The following MSRA variants were observed in gnomAD, a reference collection of about 807,000 sequenced individuals.
MSRA encodes methionine sulfoxide reductase A, also known as mitochondrial peptide methionine sulfoxide reductase.
In MSRA, 54 loss-of-function variants were observed where a neutral mutation model predicts 31.3. That is an observed-to-expected ratio of 1.73 (90% CI 1.39 to 2.17). The LOEUF (loss-of-function observed/expected upper bound fraction) is 2.17. Ranked by LOEUF, MSRA falls within the 30% of genes most tolerant of loss-of-function variation. The probability of loss-of-function intolerance (pLI) is 0.00; values close to 1 mark genes in which losing one functional copy is unlikely to be tolerated. For missense variants in MSRA, 507 were observed against 300.9 expected (o/e 1.69, Z -5.07); for synonymous variants, 169 against 116.5 (o/e 1.45, Z -2.90).
intron 1 of MSRA, among the ~76,000 whole-genome samples, chr8:10,199,899 T>A (rs1203161246): frequency 6.6e-6 from 1 of 152,178 alleles, no homozygotes; most frequent in Non-Finnish European, 1.5e-5. Context: ...CTTATCAATG[T>A]GGAGAACATC....
chr8:10,308,515 C>T (rs931799282), intron 4 of MSRA, among the ~76,000 whole-genome samples: 6 of 152,202 alleles, frequency 3.9e-5, no homozygotes, highest in African/African-American at 1.4e-4. Context: ...GTTAAAAACA[C>T]AAAACCAGCT....
intron 2 of MSRA, among the ~76,000 whole-genome samples, chr8:10,229,458 C>T (rs968098270): frequency 6.6e-6 from 1 of 152,090 alleles, no homozygotes; most frequent in African/African-American, 2.4e-5. Flanking sequence ...GACTGGGGGC[C>T]GGCTCTGAGG....
At chr8:10,080,934 A>C (rs906567549) in intron 1 of MSRA, among the ~76,000 whole-genome samples, 7 of 152,348 alleles carry the variant, frequency 4.6e-5, no homozygotes, top group Non-Finnish European at 1.0e-4. Context: ...TCCATACCGC[A>C]GAAGGCTGTT....
At chr8:10,398,387 T>C (rs1807235136) in intron 5 of MSRA, among the ~76,000 whole-genome samples, 1 of 152,220 alleles carries the variant, frequency 6.6e-6, no homozygotes, top group African/African-American at 2.4e-5. Flanking sequence ...TCTGGTCCCT[T>C]GCCGAGAGAG....
intron 1 of MSRA, among the ~76,000 whole-genome samples, chr8:10,139,413 A>G (rs1452226271): frequency 6.6e-6 from 1 of 152,136 alleles, no homozygotes; most frequent in African/African-American, 2.4e-5. Flanking sequence ...GGACAAGTGC[A>G]GTTTTGTTAC....
At chr8:10,211,047 A>G (rs187661435) in intron 2 of MSRA, among the ~76,000 whole-genome samples, 2 of 152,068 alleles carry the variant, frequency 1.3e-5, no homozygotes, top group Non-Finnish European at 2.9e-5. Flanking sequence ...CAATGTCGTT[A>G]TCTGTTGGTT....
At chr8:10,186,781 A>G (rs1212611737) in intron 1 of MSRA, among the ~76,000 whole-genome samples, 2 of 152,232 alleles carry the variant, frequency 1.3e-5, no homozygotes. Context: ...TGCCTAACAT[A>G]ACGTTAGTCC....
intron 1 of MSRA, among the ~76,000 whole-genome samples, chr8:10,075,916 C>T (rs898859722): frequency 6.6e-6 from 1 of 152,130 alleles, no homozygotes; most frequent in Admixed American, 6.5e-5. Context: ...GAAATGAATG[C>T]TTGCTTATTA....
chr8:10,143,240 A>G (rs1224479518), intron 1 of MSRA, among the ~76,000 whole-genome samples: 1 of 152,164 alleles, frequency 6.6e-6, no homozygotes, highest in Non-Finnish European at 1.5e-5. Flanking sequence ...TATCCCTCAC[A>G]TCACCCGAGA....
chr8:10,243,381 C>A (rs1344310523), intron 2 of MSRA, among the ~76,000 whole-genome samples: 1 of 152,116 alleles, frequency 6.6e-6, no homozygotes, highest in East Asian at 1.9e-4. Context: ...TCCCTATCAT[C>A]CTCCCCTCAT....
chr8:10,245,314 T>C (rs1022063782), intron 3 of MSRA, 91 bp downstream of exon 3: 5 of 1,236,162 alleles, frequency 4.0e-6, no homozygotes, highest in Non-Finnish European at 5.7e-6. Flanking sequence ...AATGGAAATA[T>C]GTTTTTTTAA....
intron 5 of MSRA, among the ~76,000 whole-genome samples, chr8:10,363,808 T>C (rs1805003596): frequency 1.4e-5 from 2 of 140,154 alleles, no homozygotes; most frequent in South Asian, 4.7e-4. Context: ...CGCACCCACC[T>C]GTAGTCCCAG....
At chr8:10,379,932 G>C (rs775070090) in intron 5 of MSRA, among the ~76,000 whole-genome samples, 1 of 152,214 alleles carries the variant, frequency 6.6e-6, no homozygotes, top group Non-Finnish European at 1.5e-5. Context: ...AGAAGGGGCA[G>C]ATTAGTGACA....
At chr8:10,388,815 G>C (rs12543645) in intron 5 of MSRA, among the ~76,000 whole-genome samples, 44,627 of 151,448 alleles carry the variant, frequency 0.29, 7,186 homozygotes, top group Non-Finnish European at 0.37. Context: ...GACCGGCATC[G>C]CTGGTTTGAC....
At chr8:10,280,833 G>T (rs115908457) in intron 3 of MSRA, among the ~76,000 whole-genome samples, 2 of 152,196 alleles carry the variant, frequency 1.3e-5, no homozygotes, top group East Asian at 3.8e-4. Flanking sequence ...GTACAACAGC[G>T]TGAACTACTA....
intron 5 of MSRA, among the ~76,000 whole-genome samples, chr8:10,355,214 C>G (rs544012284): frequency 6.6e-6 from 1 of 152,300 alleles, no homozygotes; most frequent in Admixed American, 6.5e-5. Context: ...GTTCCTGGCC[C>G]AGAGGCCATG....
intron 1 of MSRA, among the ~76,000 whole-genome samples, chr8:10,093,819 T>C (rs1367638815): frequency 6.6e-6 from 1 of 152,228 alleles, no homozygotes; most frequent in Non-Finnish European, 1.5e-5. Context: ...AGTAATGAAC[T>C]CTGTTTTTAT....
At chr8:10,205,882 A>C (rs1808920548) in intron 1 of MSRA, among the ~76,000 whole-genome samples, 1 of 152,168 alleles carries the variant, frequency 6.6e-6, no homozygotes, top group African/African-American at 2.4e-5. Flanking sequence ...TATCTCTCTC[A>C]AGGCTGCATT....
chr8:10,283,951 G>C (rs1318894686), intron 3 of MSRA, among the ~76,000 whole-genome samples: 1 of 150,794 alleles, frequency 6.6e-6, no homozygotes, highest in Non-Finnish European at 1.5e-5. Flanking sequence ...GAATTGTGCT[G>C]CTATAAACAT....
Sources: allele counts gnomAD v4.1 joint callset (sites outside exome capture counted in the v4.1 genomes callset), GRCh38; gene constraint gnomAD v4.1.1; transcripts MANE v1.5; gene names NCBI Gene and HGNC (gene_info 2026-07-23, HGNC 2026-07-21).